The following APBA2 variants were observed in gnomAD, a reference collection of about 807,000 sequenced individuals.
APBA2 encodes amyloid-beta A4 precursor protein-binding family A member 2.
APBA2 carries 30 observed loss-of-function variants against 75.0 expected under a neutral mutation model. That is an observed-to-expected ratio of 0.40 (90% CI 0.30 to 0.54). APBA2 has a LOEUF of 0.54. Among genes scored for constraint, APBA2 ranks in the 20% least tolerant of loss-of-function variants. The probability of loss-of-function intolerance (pLI) is 0.49; values close to 1 mark genes in which losing one functional copy is unlikely to be tolerated. For synonymous variants in APBA2, 444 were observed against 409.6 expected (o/e 1.08, Z -1.01); for missense variants, 801 against 1,016.1 (o/e 0.79, Z 2.88).
chr15:29,064,394 A>G (rs2042286287), intron 4 of APBA2, among the ~76,000 whole-genome samples: 2 of 152,150 alleles, frequency 1.3e-5, no homozygotes, highest in Non-Finnish European at 2.9e-5. Flanking sequence ...TGGCACTGGG[A>G]CTGCAAAGGT....
chr15:29,066,417 C>T (rs2152912472), intron 4 of APBA2, among the ~76,000 whole-genome samples: 1 of 152,276 alleles, frequency 6.6e-6, no homozygotes, highest in East Asian at 1.9e-4. Flanking sequence ...TATGGACAAA[C>T]CTTGAAGACG....
At chr15:29,047,089 T>A (rs1442686871) in intron 3 of APBA2, among the ~76,000 whole-genome samples, 1 of 152,204 alleles carries the variant, frequency 6.6e-6, no homozygotes, top group African/African-American at 2.4e-5. Flanking sequence ...CATCTCTCCA[T>A]TAAATATCTT....
At chr15:29,061,917 C>A (rs1170711929) in intron 4 of APBA2, among the ~76,000 whole-genome samples, 2 of 152,198 alleles carry the variant, frequency 1.3e-5, no homozygotes, top group Non-Finnish European at 2.9e-5. Flanking sequence ...AGGCGCCCCC[C>A]CTCCATCAGC....
chr15:29,032,288 A>T (rs1418530688), intron 3 of APBA2, among the ~76,000 whole-genome samples: 4 of 152,244 alleles, frequency 2.6e-5, no homozygotes. Context: ...AGATGAACAT[A>T]GTAGACCTTG....
At chr15:29,052,596 TC>T (rs2041656983) in intron 3 of APBA2, among the ~76,000 whole-genome samples, 1 of 152,066 alleles carries the variant, frequency 6.6e-6, no homozygotes, top group African/African-American at 2.4e-5. Flanking sequence ...CTAGCCTCTG[TC>T]CCCACGCCAG....
In APBA2 at chr15:29,046,048, G is replaced by A. The variant is rs1043478102; in HGVS notation, c.-40-7797G>A. Among the ~76,000 whole-genome samples the A allele has an allele frequency of 2.0e-5, 3 of 152,152 alleles. No individual in the cohort carries two copies. Among genetic ancestry groups the A allele is most frequent in the African/African-American group, 2.4e-5 (1 of 41,432 alleles). On this transcript the variant is annotated intron_variant, in intron 3 of 14. Transcript: ENST00000683413. This position sits in a 1 kb window ranked among gnomAD's most constrained non-coding sequence, Gnocchi z 5.0. ...AGACGTTTTGAGAGTCTGGCAGCCC[G>A]GAAAGGTGGGATTTGGCAGCTATGT...
At position 28,918,249 on chromosome 15, in the gene APBA2, G is replaced by A. The variant is rs2152663944; in HGVS notation, c.-204-3391G>A. 6.6e-6 allele frequency among the ~76,000 whole-genome samples: 1 copy of A among 152,326 alleles called. No individual in the cohort carries two copies. The highest frequency in any genetic ancestry group is 2.4e-5 in the African/African-American group (1 of 41,578). ...TCCTGGCGCCACGGAGCCGGTCAGT[G>A]ACAGAGCCGGGTCTCAACCCAGGCC... On this transcript the variant is annotated intron_variant, in intron 1 of 14. Coordinates refer to ENST00000683413, the MANE Select transcript of APBA2 (RefSeq NM_001353788.2). This position sits in a 1 kb window ranked among gnomAD's most constrained non-coding sequence, Gnocchi z 4.2.
chr15:28,903,838 G>A (rs186449572), intron 1 of APBA2, among the ~76,000 whole-genome samples: 72 of 152,064 alleles, frequency 4.7e-4, no homozygotes, highest in Admixed American at 8.5e-4. Context: ...TCTGGAAGGC[G>A]GAAGACCTAC....
chr15:28,973,700 A>G (rs564033209), intron 2 of APBA2, among the ~76,000 whole-genome samples: 2 of 152,362 alleles, frequency 1.3e-5, no homozygotes, highest in East Asian at 3.9e-4. Context: ...GTATGGAGGA[A>G]TGGCTATAAA....
At chr15:28,976,209 C>A (rs1044850571) in intron 2 of APBA2, among the ~76,000 whole-genome samples, 1 of 152,190 alleles carries the variant, frequency 6.6e-6, no homozygotes, top group Non-Finnish European at 1.5e-5. Context: ...TGGTATCCAG[C>A]AACCTTGCTT....
At chr15:29,039,742 A>G (rs958600574) in intron 3 of APBA2, among the ~76,000 whole-genome samples, 1 of 152,174 alleles carries the variant, frequency 6.6e-6, no homozygotes, top group African/African-American at 2.4e-5. Context: ...CGAATGAAGT[A>G]AAAATAAACA....
intron 2 of APBA2, among the ~76,000 whole-genome samples, chr15:28,971,919 T>C (rs1331921357): frequency 3.3e-5 from 5 of 152,052 alleles, no homozygotes; most frequent in Non-Finnish European, 7.4e-5. Context: ...AGAAAATGTG[T>C]AGCAAAATGC....
At chr15:29,107,546 C>T (rs2044489956) in intron 12 of APBA2, among the ~76,000 whole-genome samples, 2 of 152,178 alleles carry the variant, frequency 1.3e-5, no homozygotes, top group South Asian at 4.1e-4. Flanking sequence ...AAGGGCATTC[C>T]CCAGGCCAGA....
At chr15:28,914,151 T>C (rs1376401414) in intron 1 of APBA2, among the ~76,000 whole-genome samples, 2 of 152,228 alleles carry the variant, frequency 1.3e-5, no homozygotes, top group African/African-American at 4.8e-5. Context: ...GTCAGAAATG[T>C]TCTCCTTGCA....
At chr15:29,035,822 G>A (rs979921861) in intron 3 of APBA2, among the ~76,000 whole-genome samples, 13 of 152,172 alleles carry the variant, frequency 8.5e-5, no homozygotes, top group Admixed American at 2.0e-4. Context: ...CAGAAGCCCC[G>A]CAGGTGGCTC....
intron 4 of APBA2, chr15:29,070,982 T>C: frequency 2.3e-6 from 1 of 443,072 alleles, no homozygotes; most frequent in East Asian, 7.0e-5. Context: ...TGGGGATGGC[T>C]GTGGCTAGCC....
At chr15:28,954,146 G>T (rs1432831556) in intron 2 of APBA2, among the ~76,000 whole-genome samples, 1 of 152,070 alleles carries the variant, frequency 6.6e-6, no homozygotes, top group East Asian at 1.9e-4. Context: ...TCCGTAAGCT[G>T]CCCATGGTCA....
At chr15:28,953,008 C>G (rs142554214) in intron 2 of APBA2, among the ~76,000 whole-genome samples, 1 of 152,106 alleles carries the variant, frequency 6.6e-6, no homozygotes, top group African/African-American at 2.4e-5. Flanking sequence ...GAAGAACAGG[C>G]GGGTCTTGTT....
chr15:29,038,657 A>G (rs1239518242), intron 3 of APBA2, among the ~76,000 whole-genome samples: 2 of 144,930 alleles, frequency 1.4e-5, no homozygotes, highest in Non-Finnish European at 3.0e-5. Context: ...TCTGTCCTAT[A>G]TGCAGGCATT....
Sources: allele counts gnomAD v4.1 joint callset (sites outside exome capture counted in the v4.1 genomes callset), GRCh38; gene constraint gnomAD v4.1.1; non-coding constraint Gnocchi (gnomAD v3.1); transcripts MANE v1.5; gene names NCBI Gene and HGNC (gene_info 2026-07-23, HGNC 2026-07-21).